JMJD1C: variants seen among roughly 807,000 people sequenced by gnomAD.
The protein encoded by JMJD1C is jumonji domain containing 1C.
A neutral mutation model predicts 245.3 loss-of-function variants in JMJD1C; 31 were observed. The ratio of observed to expected loss-of-function variants is 0.13; its 90% CI spans 0.09 to 0.17. JMJD1C has a LOEUF of 0.17. JMJD1C is among the 10% of genes least tolerant of loss of function. The pLI is 1.00. For missense variants in JMJD1C, 2,691 were observed against 3,000.2 expected (o/e 0.90, Z 2.41); for synonymous variants, 1,057 against 1,017.4 (o/e 1.04, Z -0.74).
intron 1 of JMJD1C, among the ~76,000 whole-genome samples, chr10:63,501,375 A>C (rs1245863339): frequency 6.6e-6 from 1 of 151,880 alleles, no homozygotes; most frequent in Non-Finnish European, 1.5e-5. Context: ...TTTATTTCAC[A>C]GTTAAAAACT....
intron 2 of JMJD1C, among the ~76,000 whole-genome samples, chr10:63,280,272 A>C (rs1857239986): frequency 6.6e-6 from 1 of 151,166 alleles, no homozygotes; most frequent in Non-Finnish European, 1.5e-5. Context: ...AGTGTAGGCC[A>C]CACGCGGTTG....
intron 2 of JMJD1C, among the ~76,000 whole-genome samples, chr10:63,342,350 T>A (rs1943455922): frequency 6.6e-6 from 1 of 152,162 alleles, no homozygotes; most frequent in South Asian, 2.1e-4. Context: ...GAACAAGAAA[T>A]CATGTCAGTT....
At chr10:63,472,606 G>A (rs1953526348) in intron 1 of JMJD1C, among the ~76,000 whole-genome samples, 1 of 151,806 alleles carries the variant, frequency 6.6e-6, no homozygotes, top group Admixed American at 6.6e-5. Flanking sequence ...TGCTGGGATT[G>A]CAGGCATGAG....
At chr10:63,215,883 C>A (rs1847924488) in intron 5 of JMJD1C, among the ~76,000 whole-genome samples, 187 bp from the exon 6 acceptor site, 1 of 152,126 alleles carries the variant, frequency 6.6e-6, no homozygotes, top group South Asian at 2.1e-4. Context: ...CTGAAACTCA[C>A]CATTTCAACT....
At chr10:63,236,216 ATC>A (rs1850714267) in intron 3 of JMJD1C, among the ~76,000 whole-genome samples, 2 of 152,180 alleles carry the variant, frequency 1.3e-5, no homozygotes, top group Non-Finnish European at 2.9e-5. Flanking sequence ...TTCTTGGTTG[ATC>A]ACCCAACTGA....
At chr10:63,387,662 G>A (rs1947731473) in intron 1 of JMJD1C, among the ~76,000 whole-genome samples, 1 of 73,246 alleles carries the variant, frequency 1.4e-5, no homozygotes, top group Admixed American at 2.1e-4. Context: ...TTGAGACGGA[G>A]TCTCGCTCTG....
rs10604690 is a variant in JMJD1C at position 63,192,258 on chromosome 10, T to TAAA, written c.6076+677_6076+679dup. On this transcript the variant is annotated intron_variant, in intron 16 of 25. Coordinates refer to ENST00000399262, the MANE Select transcript of JMJD1C (RefSeq NM_032776.3). ...GGCGAAACTTCATGTCTACAAAAAC[T>TAAA]AAAAAAAAAAAAAAAAAAAAAAAAA... Among the ~76,000 whole-genome samples the TAAA allele has an allele frequency of 1.1e-4, 12 of 110,330 alleles. 1 individual carries two copies. Among genetic ancestry groups the TAAA allele is most frequent in the Admixed American group, 4.8e-4 (5 of 10,472 alleles). 72.4% of individuals were successfully genotyped at this position (110,330 alleles called of 152,430 possible).
At chr10:63,403,665 G>A (rs1229970704) in intron 1 of JMJD1C, among the ~76,000 whole-genome samples, 5 of 152,162 alleles carry the variant, frequency 3.3e-5, no homozygotes, top group African/African-American at 4.8e-5. Context: ...CAGGCCAGGC[G>A]CAGTGGCTCA....
intron 10 of JMJD1C, chr10:63,202,535 G>C (rs1228703113): frequency 4.1e-6 from 4 of 985,274 alleles, no homozygotes; most frequent in Non-Finnish European, 4.8e-6. Flanking sequence ...ACCATATAGA[G>C]TGACCCATTT....
In JMJD1C at chr10:63,178,306, T is replaced by C. The variant is rs116162707; in HGVS notation, c.7085-450A>G. Reference sequence around the variant, plus strand: ...TTCATAACTTTTAGGACTACAAGAATAGATAAGTGGATACAAAGCAATAGT... The same window carrying C: ...TTCATAACTTTTAGGACTACAAGAACAGATAAGTGGATACAAAGCAATAGT... On this transcript the variant is annotated intron_variant, in intron 22 of 25. Transcript: ENST00000399262. Among the ~76,000 whole-genome samples the C allele has an allele frequency of 2.6e-3, 397 of 152,232 alleles. 1 individual carries two copies. Among genetic ancestry groups the C allele is most frequent in the African/African-American group, 9.2e-3 (380 of 41,528 alleles).
At chr10:63,349,080 G>A (rs113700068) in intron 2 of JMJD1C, among the ~76,000 whole-genome samples, 1 of 111,790 alleles carries the variant, frequency 8.9e-6, no homozygotes, top group East Asian at 3.0e-4. Flanking sequence ...CAGCCTGGGT[G>A]ACAGAGTGAG....
intron 1 of JMJD1C, among the ~76,000 whole-genome samples, chr10:63,415,636 C>T (rs754422617): frequency 6.6e-6 from 1 of 152,034 alleles, no homozygotes; most frequent in South Asian, 2.1e-4. Context: ...AATCATAATC[C>T]TCTGGAAGAA....
At chr10:63,182,659 G>A (rs1210382134) in intron 22 of JMJD1C, among the ~76,000 whole-genome samples, 1 of 152,140 alleles carries the variant, frequency 6.6e-6, no homozygotes, top group Non-Finnish European at 1.5e-5. Flanking sequence ...GTAAAGAAGG[G>A]AATAACTGAC....
chr10:63,308,004 A>T (rs1428791234), intron 2 of JMJD1C, among the ~76,000 whole-genome samples: 3 of 152,056 alleles, frequency 2.0e-5, no homozygotes, highest in African/African-American at 7.2e-5. Flanking sequence ...ACAAAAAAAA[A>T]TTAGCTGGGC....
At chr10:63,288,355 A>C (rs1178535875) in intron 2 of JMJD1C, among the ~76,000 whole-genome samples, 3 of 152,140 alleles carry the variant, frequency 2.0e-5, no homozygotes, top group African/African-American at 7.2e-5. Context: ...GTAATATTTC[A>C]ATGTCTGAAT....
At chr10:63,456,606 A>C (rs529869122) in intron 1 of JMJD1C, among the ~76,000 whole-genome samples, 2 of 152,272 alleles carry the variant, frequency 1.3e-5, no homozygotes, top group South Asian at 4.1e-4. Context: ...AGTCTTTCAC[A>C]AGAAATGAAT....
At chr10:63,347,385 C>T (rs1943935551) in intron 2 of JMJD1C, among the ~76,000 whole-genome samples, 1 of 149,198 alleles carries the variant, frequency 6.7e-6, no homozygotes, top group Admixed American at 6.7e-5. Context: ...AGTTCCAGAC[C>T]AGCCTGCCCA....
rs761740309 is a variant in JMJD1C at position 63,215,282 on chromosome 10, A to G, written c.996T>C (p.Tyr332=). The G allele has an allele frequency of 2.5e-6, 4 of 1,612,510 alleles. No individual in the cohort carries two copies. Among genetic ancestry groups the G allele is most frequent in the African/African-American group, 1.3e-5 (1 of 74,654 alleles). Reference sequence around the variant, plus strand: ...TCCTACCTCCTCGTGATATATAATCATATTTTTCCTCCTTCATCTTCTCTT... The same window carrying G: ...TCCTACCTCCTCGTGATATATAATCGTATTTTTCCTCCTTCATCTTCTCTT... The part of the protein sequence containing the change: ...PDEEKMKEEK[Y]DYISRGENPK... The change falls in exon 7 of 26, where the codon TAT becomes TAC. Residue 332 remains tyrosine, a synonymous_variant. Transcript: ENST00000399262.
intron 1 of JMJD1C, among the ~76,000 whole-genome samples, chr10:63,398,794 G>C (rs1948674178): frequency 6.6e-6 from 1 of 152,208 alleles, no homozygotes; most frequent in South Asian, 2.1e-4. Flanking sequence ...ACAGGCGTGT[G>C]CCATCACATC....
Sources: gnomAD v4.1 joint callset for allele counts (sites outside exome capture counted in the v4.1 genomes callset) on GRCh38, gnomAD v4.1.1 for gene constraint, MANE v1.5 for transcripts, NCBI Gene and HGNC (gene_info 2026-07-23, HGNC 2026-07-21) for gene names.